Variants in USP33 observed in about 807,000 individuals in gnomAD.
USP33 encodes ubiquitin carboxyl-terminal hydrolase 33.
In USP33, 46 loss-of-function variants were observed where a neutral mutation model predicts 124.2. The ratio of observed to expected loss-of-function variants is 0.37; its 90% CI spans 0.29 to 0.47. USP33 has a LOEUF of 0.47. USP33 is among the 20% of genes least tolerant of loss of function. USP33 has a pLI of 0.99. For missense variants in USP33, 851 were observed against 1,070.6 expected (o/e 0.79, Z 2.86); for synonymous variants, 350 against 352.3 (o/e 0.99, Z 0.07).
chr1:77,729,329 C>G (rs1677523668), intron 9 of USP33, among the ~76,000 whole-genome samples: 1 of 142,808 alleles, frequency 7.0e-6, no homozygotes, highest in Non-Finnish European at 1.5e-5. Flanking sequence ...GTCAGGAGTT[C>G]AAGACCAGCC....
chr1:77,741,584 A>G (rs1679120799), intron 2 of USP33, 33 bp downstream of exon 2: 1 of 1,564,058 alleles, frequency 6.4e-7, no homozygotes, highest in Admixed American at 2.1e-5. Context: ...AAAAGTGAAT[A>G]GTTTTTCAAG....
rs1436490042 is a variant in USP33, at chr1:77,739,416, T to A, written c.200A>T (p.Glu67Val). 7 of 1,588,178 alleles carry A rather than the reference T, an allele frequency of 4.4e-6. No individual in the cohort carries two copies. The highest frequency in any genetic ancestry group is 6.0e-6 in the Non-Finnish European group (7 of 1,169,300). The change falls in exon 5 of 24, where the codon GAG becomes GTG. Residue 67 changes from glutamate (E) to valine (V), a missense_variant and splice_region_variant. Coordinates refer to ENST00000370794, the MANE Select transcript of USP33 (RefSeq NM_201624.3). ...QVDHSTIHSQETKHYLTVNLT... is the reference protein window; with the variant it reads ...QVDHSTIHSQVTKHYLTVNLT... ...GTTCACAGTTAGATAATGCTTTGTC[T>A]CCTATATAATTTCACAGTAGAGGGA... is the stretch of plus-strand genomic sequence containing the variant.
chr1:77,714,654 A>C lies in USP33; in HGVS notation c.2175T>G (p.Pro725=). The change falls in exon 19 of 24, where the codon CCT becomes CCG. Residue 725 remains proline, a synonymous_variant. Transcript: ENST00000370794. ...WLNKFKTFAE[P]GPISNNDFLC... is the part of the protein sequence containing the mutation. Reference sequence around the variant, plus strand: ...GAAAGTCATTATTTGAAATAGGGCCAGGTTCGGCAAAGGTCTTAAATTTAT... The same window carrying C: ...GAAAGTCATTATTTGAAATAGGGCCCGGTTCGGCAAAGGTCTTAAATTTAT... 6.2e-7 allele frequency: 1 copy of C among 1,613,440 alleles called. No homozygotes were observed. The highest frequency in any genetic ancestry group is 8.5e-7 in the Non-Finnish European group (1 of 1,179,966).
At position 77,697,361 on chromosome 1, in the gene USP33, G is replaced by A. The variant is rs1190716837; in HGVS notation, c.2692C>T (p.Leu898Phe). The A allele has an allele frequency of 6.2e-7, 1 of 1,611,780 alleles. No individual in the cohort carries two copies. ...PPVVHVDPDILQAEEKIEVET... is the reference protein window; with the variant it reads ...PPVVHVDPDIFQAEEKIEVET... ...ACTTCAATTTTTTCTTCTGCTTGAA[G>A]TATATCTGGATCAACATGAACAACC... Residue 898 changes from leucine to phenylalanine, a missense_variant, in exon 24 of 24, where the codon CTT becomes TTT. By Grantham distance (22) the Leu-to-Phe change is conservative. Coordinates refer to ENST00000370794, the MANE Select transcript of USP33 (RefSeq NM_201624.3).
chr1:77,737,438 T>A (rs1156761976), intron 5 of USP33, among the ~76,000 whole-genome samples: 1 of 152,210 alleles, frequency 6.6e-6, no homozygotes, highest in African/African-American at 2.4e-5. Context: ...TCACCTGAAA[T>A]TTTACTATCT....
chr1:77,709,179 TCTC>T (rs1392587224), intron 21 of USP33, among the ~76,000 whole-genome samples: 1 of 152,156 alleles, frequency 6.6e-6, no homozygotes, highest in East Asian at 1.9e-4. Flanking sequence ...GGATGCAGTA[TCTC>T]CTATTTTATT....
chr1:77,723,157 C>T (rs1303389001), intron 12 of USP33, among the ~76,000 whole-genome samples, 174 bp downstream of exon 12: 1 of 152,076 alleles, frequency 6.6e-6, no homozygotes, highest in Non-Finnish European at 1.5e-5. Flanking sequence ...GATGCTGCTA[C>T]TTCCAAAAAA....
intron 15 of USP33, 43 bp from the exon 16 acceptor site, chr1:77,718,684 T>C (rs1449361102): frequency 1.4e-6 from 2 of 1,458,884 alleles, no homozygotes; most frequent in East Asian, 4.5e-5. Context: ...ACAAAAAAAC[T>C]TAGTATATTT....
chr1:77,712,542 T>C (rs763975572), intron 20 of USP33, among the ~76,000 whole-genome samples: 2 of 152,014 alleles, frequency 1.3e-5, no homozygotes, highest in Non-Finnish European at 2.9e-5. Context: ...AAGTTTACGA[T>C]GTTAAGGCCA....
At chr1:77,704,604 A>C (rs1345779151) in intron 21 of USP33, among the ~76,000 whole-genome samples, 1 of 152,204 alleles carries the variant, frequency 6.6e-6, no homozygotes, top group Non-Finnish European at 1.5e-5. Flanking sequence ...TTCTCTTTTA[A>C]AAAATACATA....
At chr1:77,702,492 C>T (rs1239238373) in intron 21 of USP33, among the ~76,000 whole-genome samples, 3 of 152,282 alleles carry the variant, frequency 2.0e-5, no homozygotes, top group African/African-American at 7.2e-5. Flanking sequence ...TGTCATTTCA[C>T]AAGCAATATA....
chr1:77,742,616 A>G (rs1333937799), intron 1 of USP33, among the ~76,000 whole-genome samples: 2 of 152,158 alleles, frequency 1.3e-5, no homozygotes, highest in East Asian at 3.8e-4. Context: ...GTGATTTCCA[A>G]AGGTCTCAAG....
chr1:77,721,765 T>A (rs1006360643), intron 14 of USP33, 66 bp downstream of exon 14: 1 of 1,406,024 alleles, frequency 7.1e-7, no homozygotes, highest in South Asian at 1.3e-5. Flanking sequence ...TACACTTTAT[T>A]ATTTAGTCCC....
intron 17 of USP33, among the ~76,000 whole-genome samples, chr1:77,717,333 C>CA (rs1329138141): frequency 1.3e-5 from 2 of 151,532 alleles, no homozygotes; most frequent in Non-Finnish European, 2.9e-5. Flanking sequence ...ACTAAAAATA[C>CA]AAAAAAATTA....
At chr1:77,713,358 A>G in intron 19 of USP33, 77 bp from the exon 20 acceptor site, 1 of 1,166,714 alleles carries the variant, frequency 8.6e-7, no homozygotes, top group Non-Finnish European at 1.2e-6. Context: ...TTTTTTTTTT[A>G]ACAGTAACTA....
chr1:77,741,793 A>G, intron 1 of USP33, 45 bp from the exon 2 acceptor site: 1 of 1,500,160 alleles, frequency 6.7e-7, no homozygotes, highest in Non-Finnish European at 8.9e-7. Context: ...AAATGCTTAC[A>G]ATGCCTGCAA....
At position 77,741,685 on chromosome 1, in the gene USP33, G is replaced by T; in HGVS notation, c.13C>A (p.Arg5=). Residue 5 remains arginine, a synonymous_variant, in exon 2 of 24, where the codon CGA becomes AGA. Transcript: ENST00000370794. MSAF[R]NHCPHLDSVG... ...GAATCCAAATGTGGACAATGATTTCGAAAAGCTGACATTTTGTTAGGAATT... is the reference window on the plus strand; with the variant it reads ...GAATCCAAATGTGGACAATGATTTCTAAAAGCTGACATTTTGTTAGGAATT... The T allele has an allele frequency of 1.2e-6, 2 of 1,604,172 alleles. No homozygotes were observed. Among genetic ancestry groups the T allele is most frequent in the South Asian group, 1.1e-5 (1 of 88,582 alleles).
intron 20 of USP33, among the ~76,000 whole-genome samples, chr1:77,712,859 A>G (rs2101278178): frequency 6.6e-6 from 1 of 152,150 alleles, no homozygotes; most frequent in African/African-American, 2.4e-5. Flanking sequence ...CCTTGTCTCA[A>G]AAAAAAAGAA....
rs1351814434 is a variant in USP33, at chr1:77,721,847, G to T, written c.1641C>A (p.Ala547=). The T allele has an allele frequency of 6.2e-7, 1 of 1,608,058 alleles. No homozygotes were observed. The highest frequency in any genetic ancestry group is 8.5e-7 in the Non-Finnish European group (1 of 1,178,654). ...ATTTCTTACCTTTTAGTTCATCTCTGGCAAAGAAGGCAGCAAGACAATCTT... is the reference window on the plus strand; with the variant it reads ...ATTTCTTACCTTTTAGTTCATCTCTTGCAAAGAAGGCAGCAAGACAATCTT... ...TLQDCLAAFF[A]RDELKGDNMY... Residue 547 remains alanine (A), a synonymous_variant, in exon 14 of 24, where the codon GCC becomes GCA. Coordinates refer to ENST00000370794, the MANE Select transcript of USP33 (RefSeq NM_201624.3).
Sources: allele counts gnomAD v4.1 joint callset (sites outside exome capture counted in the v4.1 genomes callset), GRCh38; gene constraint gnomAD v4.1.1; transcripts MANE v1.5; gene names NCBI Gene and HGNC (gene_info 2026-07-23, HGNC 2026-07-21).